DCDC1: variants seen among roughly 807,000 people sequenced by gnomAD.
DCDC1 encodes the protein doublecortin domain containing 1, also known as doublecortin domain-containing protein 1.
A neutral mutation model predicts 178.3 loss-of-function variants in DCDC1; 200 were observed. That is an observed-to-expected ratio of 1.12 (90% CI 1.00 to 1.26). The LOEUF is 1.26. DCDC1 is among the 50% of genes most tolerant of loss of function. The probability of loss-of-function intolerance (pLI) is 0.00; values close to 1 mark genes in which losing one functional copy is unlikely to be tolerated. For missense variants in DCDC1, 1,983 were observed against 1,749.2 expected, an observed-to-expected ratio of 1.13 and a Z score of -2.38; for synonymous variants, 690 against 604.8, an observed-to-expected ratio of 1.14 and a Z score of -2.07.
At chr11:31,244,716 A>G (rs1023050659) in intron 8 of DCDC1, among the ~76,000 whole-genome samples, 18 of 151,792 alleles carry the variant, frequency 1.2e-4, no homozygotes, top group Non-Finnish European at 2.1e-4. Context: ...AAATTTAGCA[A>G]TTATGCAGAC....
intron 2 of DCDC1, among the ~76,000 whole-genome samples, chr11:31,331,053 C>T (rs1401845561): frequency 4.6e-5 from 7 of 152,120 alleles, no homozygotes; most frequent in Admixed American, 4.6e-4. Flanking sequence ...TTTCTGTCCT[C>T]TTTTATTTCT....
intron 20 of DCDC1, among the ~76,000 whole-genome samples, chr11:31,037,529 A>T (rs965291841): frequency 2.0e-5 from 3 of 147,976 alleles, no homozygotes; most frequent in Non-Finnish European, 3.0e-5. Flanking sequence ...GCCTCCCGGG[A>T]TACGCCATTC....
At chr11:30,966,270 C>G (rs1334147378) in intron 20 of DCDC1, among the ~76,000 whole-genome samples, 9 of 88,992 alleles carry the variant, frequency 1.0e-4, no homozygotes, top group South Asian at 5.3e-4. Flanking sequence ...CCTGTTGTTT[C>G]CTGACTTTTT....
chr11:31,270,512 T>G (rs1945477089), intron 7 of DCDC1, among the ~76,000 whole-genome samples: 1 of 152,206 alleles, frequency 6.6e-6, no homozygotes, highest in Admixed American at 6.5e-5. Context: ...TTTATTCATT[T>G]CTAAAACTCT....
intron 11 of DCDC1, among the ~76,000 whole-genome samples, chr11:31,119,812 C>A (rs1441038455): frequency 1.4e-5 from 2 of 145,918 alleles, no homozygotes; most frequent in African/African-American, 5.6e-5. Context: ...ACCAAATTAG[C>A]CCATTTTCAA....
intron 1 of DCDC1, among the ~76,000 whole-genome samples, chr11:31,338,719 C>T (rs1291310982): frequency 6.6e-6 from 1 of 152,128 alleles, no homozygotes; most frequent in Non-Finnish European, 1.5e-5. Context: ...TTCTTTTCTT[C>T]CTTCCTGATA....
intron 1 of DCDC1, among the ~76,000 whole-genome samples, chr11:31,353,332 A>C (rs1951169411): frequency 6.6e-6 from 1 of 152,236 alleles, no homozygotes; most frequent in South Asian, 2.1e-4. Context: ...CCTGCCATAC[A>C]TAGGACATTT....
chr11:31,107,578 T>A (rs1041545472), intron 12 of DCDC1, among the ~76,000 whole-genome samples: 2 of 152,238 alleles, frequency 1.3e-5, no homozygotes, highest in Admixed American at 1.3e-4. Context: ...AAAGCTGTCA[T>A]TTAATATTTA....
rs556097147 is a variant in DCDC1, at chr11:30,879,882, A to C, written c.5234-1171T>G. Among the ~76,000 whole-genome samples, 3 of 152,246 alleles carry C rather than the reference A, an allele frequency of 2.0e-5. No individual in the cohort carries two copies. The South Asian group carries it at 6.2e-4, about 32-fold the overall frequency. ...ACAGGCTCAACGGACACAATACTGCAAGAAAGGTGTGGTACAGGCAACAGA... is the reference window on the plus strand; with the variant it reads ...ACAGGCTCAACGGACACAATACTGCCAGAAAGGTGTGGTACAGGCAACAGA... On this transcript the variant is annotated intron_variant, in intron 37 of 38. Transcript: ENST00000684477.
chr11:31,049,875 C>T (rs1158468463), intron 20 of DCDC1, among the ~76,000 whole-genome samples: 2 of 152,152 alleles, frequency 1.3e-5, no homozygotes, highest in African/African-American at 4.8e-5. Flanking sequence ...CCCCAAGCAG[C>T]CATTCCTGCC....
At chr11:31,055,370 T>C (rs1158128243) in intron 20 of DCDC1, among the ~76,000 whole-genome samples, 1 of 152,200 alleles carries the variant, frequency 6.6e-6, no homozygotes, top group Non-Finnish European at 1.5e-5. Context: ...GGAACACTTC[T>C]ACACTGCTGG....
intron 36 of DCDC1, among the ~76,000 whole-genome samples, chr11:30,888,056 AAGAAAGAGAGAG>A (rs1160803784): frequency 2.4e-5 from 2 of 84,522 alleles, no homozygotes; most frequent in African/African-American, 8.7e-5. Context: ...GAAAGAAAGA[AAGAAAGAGAGAG>A]AGAGAGAGAG....
chr11:31,020,772 ACT>A (rs1952821278), intron 20 of DCDC1, among the ~76,000 whole-genome samples: 2 of 152,120 alleles, frequency 1.3e-5, no homozygotes, highest in South Asian at 2.1e-4. Context: ...AGCCTTCCTA[ACT>A]CTCACATAAA....
intron 20 of DCDC1, among the ~76,000 whole-genome samples, chr11:30,953,182 C>T (rs892872127): frequency 6.7e-6 from 1 of 150,280 alleles, no homozygotes; most frequent in Non-Finnish European, 1.5e-5. Context: ...TATATTGTGA[C>T]AAATGAGAAA....
chr11:31,213,856 C>T (rs907660159), intron 9 of DCDC1, among the ~76,000 whole-genome samples: 7 of 146,822 alleles, frequency 4.8e-5, no homozygotes, highest in African/African-American at 1.2e-4. Flanking sequence ...GAGTATGTAT[C>T]ACTCATATTA....
At position 30,987,347 on chromosome 11, in the gene DCDC1, A is replaced by G. The variant is rs985009933; in HGVS notation, c.2592-34779T>C. 2.0e-5 allele frequency among the ~76,000 whole-genome samples: 3 copies of G among 152,168 alleles called. No homozygotes were observed. In the South Asian group the frequency reaches 6.2e-4, roughly 32 times the overall value. The stretch of plus-strand genomic sequence containing the variant: ...CTTTGTTTTTAAGGGAGAGAAAACC[A>G]CAAATGAAACTGAGCCATTTGATAA... On this transcript the variant is annotated intron_variant, in intron 20 of 38. Transcript: ENST00000684477.
intron 9 of DCDC1, among the ~76,000 whole-genome samples, chr11:31,217,132 G>C (rs947933714): frequency 1.3e-5 from 2 of 151,956 alleles, no homozygotes; most frequent in Non-Finnish European, 2.9e-5. Flanking sequence ...ATAGAAAAGG[G>C]AGGTAAGAGG....
At chr11:30,911,270 G>T in intron 28 of DCDC1, 57 bp downstream of exon 28, 1 of 1,413,294 alleles carries the variant, frequency 7.1e-7, no homozygotes, top group Non-Finnish European at 9.8e-7. Flanking sequence ...GAAGCACAAA[G>T]CTTTACTTAA....
chr11:30,880,339 C>CCCTA (rs1210266300), intron 37 of DCDC1, among the ~76,000 whole-genome samples: 1 of 152,246 alleles, frequency 6.6e-6, no homozygotes, highest in Non-Finnish European at 1.5e-5. Flanking sequence ...AATCCCGTCT[C>CCCTA]CCTACTTTTT....
Sources: allele counts gnomAD v4.1 joint callset (sites outside exome capture counted in the v4.1 genomes callset), GRCh38; gene constraint gnomAD v4.1.1; transcripts MANE v1.5; gene names NCBI Gene and HGNC (gene_info 2026-07-23, HGNC 2026-07-21).